Variants in DMGDH observed in about 807,000 individuals in gnomAD.
DMGDH encodes dimethylglycine dehydrogenase.
In DMGDH, 76 loss-of-function variants were observed where a neutral mutation model predicts 95.2. That is an observed-to-expected ratio of 0.80 (90% CI 0.66 to 0.97). The LOEUF is 0.97. Ranked by LOEUF, DMGDH falls within the 50% of genes least tolerant of loss-of-function variation. DMGDH has a pLI of 0.00. For missense variants in DMGDH, 987 were observed against 1,055.0 expected, an observed-to-expected ratio of 0.94 and a Z score of 0.89; for synonymous variants, 345 against 377.6, an observed-to-expected ratio of 0.91 and a Z score of 1.00.
At chr5:79,005,629 T>C (rs1753534604) in intron 14 of DMGDH, among the ~76,000 whole-genome samples, 1 of 152,156 alleles carries the variant, frequency 6.6e-6, no homozygotes, top group Non-Finnish European at 1.5e-5. Flanking sequence ...TAATAACTTG[T>C]GATGACAATT....
In DMGDH at chr5:78,998,066, T is replaced by A; in HGVS notation, c.*16A>T. 1 of 1,613,880 alleles carries A rather than the reference T, an allele frequency of 6.2e-7. No individual in the cohort carries two copies. Among genetic ancestry groups the A allele is most frequent in the Admixed American group, 1.7e-5 (1 of 60,030 alleles). On this transcript the variant is annotated 3_prime_UTR_variant, in exon 16 of 16. Coordinates refer to ENST00000255189, the MANE Select transcript of DMGDH (RefSeq NM_013391.3). Reference sequence around the variant, plus strand: ...CATTAGCAACTCTAATTCAGTTGACTGCTGAAGGTCTTTTTTCAAGTTTTG... The same window carrying A: ...CATTAGCAACTCTAATTCAGTTGACAGCTGAAGGTCTTTTTTCAAGTTTTG...
chr5:79,053,471 C>T (rs1045143961), intron 4 of DMGDH, among the ~76,000 whole-genome samples: 2 of 152,202 alleles, frequency 1.3e-5, no homozygotes, highest in African/African-American at 4.8e-5. Flanking sequence ...CAGCCTGCCC[C>T]ATACTATTAT....
At chr5:79,007,541 T>G (rs1018725817) in intron 14 of DMGDH, among the ~76,000 whole-genome samples, 1 of 152,138 alleles carries the variant, frequency 6.6e-6, no homozygotes, top group Non-Finnish European at 1.5e-5. Flanking sequence ...CATAGAATAA[T>G]GATGACAAGG....
chr5:79,026,518 A>G lies in DMGDH; in HGVS notation c.2096T>C (p.Met699Thr), dbSNP rs1024157451. ...EDSVALYDAI[M>T]NAGQEEGIDN... is the part of the protein sequence containing the mutation. ...GATTCCCTCCTCCTGGCCTGCATTC[A>G]TGATAGCGTCATACAGCGCCACAGA... is the stretch of plus-strand genomic sequence containing the variant. The change falls in exon 13 of 16, where the codon ATG becomes ACG. Residue 699 changes from methionine (M) to threonine (T), a missense_variant. Coordinates refer to ENST00000255189, the MANE Select transcript of DMGDH (RefSeq NM_013391.3). The G allele has an allele frequency of 2.5e-6, 4 of 1,614,042 alleles. No individual in the cohort carries two copies. The highest frequency in any genetic ancestry group is 4.5e-5 in the East Asian group (2 of 44,894).
chr5:79,007,891 T>C (rs901626975), intron 14 of DMGDH, among the ~76,000 whole-genome samples: 6 of 152,192 alleles, frequency 3.9e-5, no homozygotes, highest in Non-Finnish European at 7.3e-5. Flanking sequence ...TCAGAGAACA[T>C]GATCTTGGGC....
intron 14 of DMGDH, chr5:79,020,966 T>C (rs140342770): frequency 2.0e-6 from 2 of 985,444 alleles, no homozygotes; most frequent in East Asian, 1.1e-4. Flanking sequence ...ATTTTCCTTT[T>C]GCTCTTGATT....
At chr5:79,024,670 C>A (rs997401209) in intron 13 of DMGDH, among the ~76,000 whole-genome samples, 1 of 152,174 alleles carries the variant, frequency 6.6e-6, no homozygotes, top group Non-Finnish European at 1.5e-5. Context: ...TACATAACTA[C>A]GTTTTGAAAA....
intron 14 of DMGDH, among the ~76,000 whole-genome samples, chr5:79,011,125 C>T (rs987751664): frequency 6.6e-6 from 1 of 152,102 alleles, no homozygotes; most frequent in African/African-American, 2.4e-5. Flanking sequence ...TATAATAAAG[C>T]CATAAACTGG....
At chr5:79,061,089 C>T (rs112958240) in intron 2 of DMGDH, among the ~76,000 whole-genome samples, 10,993 of 151,780 alleles carry the variant, frequency 0.072, 516 homozygotes, top group Middle Eastern at 0.12. Context: ...AAGGCGTGGT[C>T]GTGCACAGCT....
rs267600702 is a variant in DMGDH at position 79,051,366 on chromosome 5, C to T, written c.666G>A (p.Leu222=). The stretch of plus-strand genomic sequence containing the variant: ...CCCATGTTCCATCTGACCTGGCTTT[C>T]AGAGAAGTTACTGGTGCAGGATATT... ...LLKYPAPVTS[L]KARSDGTWDV... The change falls in exon 5 of 16, where the codon CTG becomes CTA. Residue 222 remains leucine, a synonymous_variant. Transcript: ENST00000255189. 3.1e-6 allele frequency: 5 copies of T among 1,614,162 alleles called. No homozygotes were observed. The highest frequency in any genetic ancestry group is 4.2e-6 in the Non-Finnish European group (5 of 1,180,026).
At chr5:79,061,193 T>C (rs1336809312) in intron 2 of DMGDH, among the ~76,000 whole-genome samples, 1 of 150,204 alleles carries the variant, frequency 6.7e-6, no homozygotes, top group Non-Finnish European at 1.5e-5. Context: ...CACTCCAGCC[T>C]GGGTGACAGA....
At chr5:79,057,485 T>C (rs1755064439) in intron 2 of DMGDH, among the ~76,000 whole-genome samples, 1 of 152,140 alleles carries the variant, frequency 6.6e-6, no homozygotes, top group African/African-American at 2.4e-5. Flanking sequence ...TTCCATCCAG[T>C]ACTTGTTCAA....
At chr5:79,006,296 G>A (rs1380934902) in intron 14 of DMGDH, among the ~76,000 whole-genome samples, 3 of 151,764 alleles carry the variant, frequency 2.0e-5, no homozygotes, top group Admixed American at 6.6e-5. Flanking sequence ...CACCTTACCT[G>A]TGAGTAGGAC....
chr5:79,051,570 G>T, intron 4 of DMGDH, 79 bp from the exon 5 acceptor site: 2 of 1,357,086 alleles, frequency 1.5e-6, no homozygotes, highest in Non-Finnish European at 2.1e-6. Flanking sequence ...GCTAGTAAAC[G>T]TTTAGTAAAA....
At chr5:79,028,309 TGA>T in intron 12 of DMGDH, 122 bp downstream of exon 12, 1 of 811,260 alleles carries the variant, frequency 1.2e-6, no homozygotes, top group South Asian at 1.6e-5. Context: ...AAAGTGAGTG[TGA>T]GTGTGCACAT....
chr5:79,000,689 G>C (rs773195739), intron 15 of DMGDH: 37 of 611,956 alleles, frequency 6.0e-5, no homozygotes, highest in Non-Finnish European at 1.1e-4. Context: ...TTTTGTATTG[G>C]AACATCTCTT....
In DMGDH at chr5:79,069,577, C is replaced by T. The variant is rs1409883787; in HGVS notation, c.44G>A (p.Arg15Gln). Residue 15 changes from arginine (R) to glutamine (Q), a missense_variant, in exon 1 of 16, where the codon CGG becomes CAG. Physicochemically the swap from Arg to Gln is conservative, Grantham distance 43 (BLOSUM62 1). Transcript: ENST00000255189. ...GGGGGAGCCCTGCAGCGGGCAGCTC[C>T]GCAGCAGGAGGCCCCGCAGCAGCTG... ...GAQLLRGLLL[R>Q]SCPLQGSPGR... 13 of 1,354,212 alleles carry T rather than the reference C, an allele frequency of 9.6e-6. No individual in the cohort carries two copies. The South Asian group carries it at 1.7e-4, about 18-fold the overall frequency. 83.9% of individuals were successfully genotyped at this position (1,354,212 alleles called of 1,614,324 possible).
intron 7 of DMGDH, among the ~76,000 whole-genome samples, chr5:79,035,381 A>G (rs1172471249): frequency 6.6e-6 from 1 of 152,178 alleles, no homozygotes; most frequent in African/African-American, 2.4e-5. Flanking sequence ...AACACATAGA[A>G]GCTGATTTAT....
chr5:79,030,944 C>T lies in DMGDH; in HGVS notation c.1572G>A (p.Gln524=), dbSNP rs1168190310. 5.0e-6 allele frequency: 8 copies of T among 1,614,050 alleles called. No homozygotes were observed. Among genetic ancestry groups the T allele is most frequent in the Non-Finnish European group, 6.8e-6 (8 of 1,180,022 alleles). ...CAGTTACCGCTACTCTTTGCATAAC[C>T]TGTTTATACTCCGAGCCCACAGGCT... ...WFEPVGSEYK[Q]VMQRVAVTDL... Residue 524 remains glutamine, a synonymous_variant, in exon 10 of 16, where the codon CAG becomes CAA. Coordinates refer to ENST00000255189, the MANE Select transcript of DMGDH (RefSeq NM_013391.3).
Sources: allele counts gnomAD v4.1 joint callset (sites outside exome capture counted in the v4.1 genomes callset), GRCh38; gene constraint gnomAD v4.1.1; transcripts MANE v1.5; gene names NCBI Gene and HGNC (gene_info 2026-07-23, HGNC 2026-07-21).